The following TLR2 variants were observed in gnomAD, a reference collection of about 807,000 sequenced individuals.
TLR2 encodes the protein toll-like receptor 2.
TLR2 carries 7 observed loss-of-function variants against 9.1 expected under a neutral mutation model. The observed-to-expected ratio is 0.77, with a 90% CI of 0.44 to 1.44. The LOEUF is 1.44. Ranked by LOEUF, TLR2 falls within the 40% of genes most tolerant of loss-of-function variation. The probability of loss-of-function intolerance (pLI) is 0.01; values close to 1 mark genes in which losing one functional copy is unlikely to be tolerated. For synonymous variants in TLR2, 317 were observed against 344.6 expected (o/e 0.92, Z 0.89); for missense variants, 812 against 904.6 (o/e 0.90, Z 1.31).
chr4:153,695,306 G>A (rs1736415516), intron 2 of TLR2, among the ~76,000 whole-genome samples: 1 of 152,138 alleles, frequency 6.6e-6, no homozygotes, highest in Non-Finnish European at 1.5e-5. Context: ...AGTGTACAGG[G>A]TTCTGTTTTC....
chr4:153,703,317 A>G lies in TLR2; in HGVS notation c.410A>G (p.Lys137Arg). Residue 137 changes from lysine to arginine, a missense_variant, in exon 3 of 3, where the codon AAA (lysine) becomes AGA (arginine). Transcript: ENST00000642700. ...TFLNLLGNPY[K>R]TLGETSLFSH... is the part of the protein sequence containing the mutation. ...TTAAACTTACTGGGAAATCCTTACA[A>G]AACCCTAGGGGAAACATCTCTTTTT... The G allele has an allele frequency of 6.2e-7, 1 of 1,612,848 alleles. No homozygotes were observed. The highest frequency in any genetic ancestry group is 1.3e-5 in the African/African-American group (1 of 74,868).
At chr4:153,694,329 G>A (rs187223020) in intron 2 of TLR2, among the ~76,000 whole-genome samples, 338 of 152,264 alleles carry the variant, frequency 2.2e-3, no homozygotes, top group African/African-American at 7.6e-3. Flanking sequence ...CAGTGTGGGC[G>A]TCATGGCCAT....
At chr4:153,694,809 A>G (rs1331998904) in intron 2 of TLR2, among the ~76,000 whole-genome samples, 1 of 152,168 alleles carries the variant, frequency 6.6e-6, no homozygotes, top group Non-Finnish European at 1.5e-5. Flanking sequence ...TAACCATCCC[A>G]GTCCCCCTGC....
At chr4:153,700,629 T>C (rs570998588) in intron 2 of TLR2, among the ~76,000 whole-genome samples, 21 of 152,268 alleles carry the variant, frequency 1.4e-4, no homozygotes, top group Middle Eastern at 3.4e-3. Context: ...CAAGACACAT[T>C]TGAAGAAGAA....
At chr4:153,691,318 A>G (rs1015026072) in intron 2 of TLR2, among the ~76,000 whole-genome samples, 5 of 151,904 alleles carry the variant, frequency 3.3e-5, no homozygotes, top group South Asian at 4.1e-4. Flanking sequence ...AAGACTATTT[A>G]TAGAAGCTTG....
At chr4:153,700,759 C>T (rs1451722458) in intron 2 of TLR2, among the ~76,000 whole-genome samples, 2 of 152,130 alleles carry the variant, frequency 1.3e-5, no homozygotes, top group East Asian at 3.9e-4. Context: ...ATATATTATA[C>T]ATTTAATATA....
At chr4:153,695,476 T>C (rs1736426817) in intron 2 of TLR2, among the ~76,000 whole-genome samples, 1 of 152,216 alleles carries the variant, frequency 6.6e-6, no homozygotes, top group Admixed American at 6.5e-5. Context: ...GTGCCTTCTT[T>C]TGAGAAATGT....
Position 153,703,719 on chromosome 4 carries a change from A to G in TLR2, c.812A>G (p.Lys271Arg). The change falls in exon 3 of 3, where the codon AAA becomes AGA. Residue 271 changes from lysine (K) to arginine (R), a missense_variant. Coordinates refer to ENST00000642700, the MANE Select transcript of TLR2 (RefSeq NM_001318789.2). ...GATGAAAGTTTGTTTCAGGTTATGA[A>G]ACTTTTGAATCAGATTTCTGGATTG... is the stretch of plus-strand genomic sequence containing the variant. ...ITDESLFQVM[K>R]LLNQISGLLE... 3 of 1,613,870 alleles carry G rather than the reference A, an allele frequency of 1.9e-6. No individual in the cohort carries two copies. In the South Asian group the frequency reaches 3.3e-5, roughly 18 times the overall value.
chr4:153,684,619 G>A (rs1051981332), intron 1 of TLR2, among the ~76,000 whole-genome samples: 1 of 152,228 alleles, frequency 6.6e-6, no homozygotes, highest in African/African-American at 2.4e-5. Flanking sequence ...CGGCCCTCGG[G>A]AGAAGCAGGG....
intron 2 of TLR2, among the ~76,000 whole-genome samples, chr4:153,690,468 A>G (rs959754410): frequency 2.0e-5 from 3 of 152,230 alleles, no homozygotes; most frequent in Non-Finnish European, 2.9e-5. Flanking sequence ...TGGAATTCCT[A>G]TCACCACAAA....
intron 2 of TLR2, among the ~76,000 whole-genome samples, chr4:153,694,610 A>G (rs973114137): frequency 3.3e-5 from 5 of 152,242 alleles, no homozygotes; most frequent in African/African-American, 1.2e-4. Flanking sequence ...ACAGGCATAC[A>G]ATGGATAATA....
At chr4:153,695,045 T>TAC (rs1242028148) in intron 2 of TLR2, among the ~76,000 whole-genome samples, 4 of 152,232 alleles carry the variant, frequency 2.6e-5, no homozygotes, top group Admixed American at 2.6e-4. Flanking sequence ...TGTATATATA[T>TAC]ACCACATTTT....
At chr4:153,693,064 A>G (rs1281370728) in intron 2 of TLR2, among the ~76,000 whole-genome samples, 1 of 152,064 alleles carries the variant, frequency 6.6e-6, no homozygotes, top group Non-Finnish European at 1.5e-5. Context: ...ACTTTTCCCC[A>G]TTTCCACATA....
intron 2 of TLR2, among the ~76,000 whole-genome samples, chr4:153,691,873 T>C (rs1009105748): frequency 3.3e-5 from 5 of 152,204 alleles, no homozygotes; most frequent in African/African-American, 1.2e-4. Flanking sequence ...CTGAATTTTG[T>C]CAGGAGCTAT....
chr4:153,697,912 G>A (rs932178738), intron 2 of TLR2, among the ~76,000 whole-genome samples: 1 of 152,098 alleles, frequency 6.6e-6, no homozygotes, highest in Non-Finnish European at 1.5e-5. Flanking sequence ...AATATTATGT[G>A]TTGCAGAAGT....
intron 2 of TLR2, among the ~76,000 whole-genome samples, chr4:153,690,993 A>G (rs566373286): frequency 1.3e-5 from 2 of 152,350 alleles, no homozygotes; most frequent in African/African-American, 4.8e-5. Context: ...AATTGTATGG[A>G]ATGAACCACA....
chr4:153,703,461 ATC>A lies in TLR2; in HGVS notation c.556_557del (p.Leu186ThrfsTer4), dbSNP rs1737074909. Reference sequence around the variant, plus strand: ...GAGGAACTTGAGATTGATGCTTCAGATCTACAGAGCTATGAGCCAAAAAGTTT... The same window carrying A: ...GAGGAACTTGAGATTGATGCTTCAGATACAGAGCTATGAGCCAAAAAGTTT... On this transcript the variant is annotated frameshift_variant, in exon 3 of 3. Coordinates refer to ENST00000642700, the MANE Select transcript of TLR2 (RefSeq NM_001318789.2). LOFTEE classifies it low-confidence loss of function (END_TRUNC). 6.2e-7 allele frequency: 1 copy of A among 1,613,838 alleles called. No homozygotes were observed. The highest frequency in any genetic ancestry group is 8.5e-7 in the Non-Finnish European group (1 of 1,179,988).
intron 2 of TLR2, among the ~76,000 whole-genome samples, chr4:153,691,876 G>C (rs1022074571): frequency 6.6e-6 from 1 of 152,162 alleles, no homozygotes; most frequent in African/African-American, 2.4e-5. Flanking sequence ...AATTTTGTCA[G>C]GAGCTATATA....
chr4:153,703,958 G>A lies in TLR2; in HGVS notation c.1051G>A (p.Val351Ile). The change falls in exon 3 of 3, where the codon GTT (valine) becomes ATT (isoleucine). Residue 351 changes from valine to isoleucine, a missense_variant. Coordinates refer to ENST00000642700, the MANE Select transcript of TLR2 (RefSeq NM_001318789.2). Reference protein sequence around the residue: ...ITVENSKVFLVPCLLSQHLKS... With the variant: ...ITVENSKVFLIPCLLSQHLKS... Reference sequence around the variant, plus strand: ...AGTAGAAAACAGTAAAGTTTTTCTGGTTCCTTGTTTACTTTCACAACATTT... The same window carrying A: ...AGTAGAAAACAGTAAAGTTTTTCTGATTCCTTGTTTACTTTCACAACATTT... The A allele has an allele frequency of 6.2e-7, 1 of 1,611,686 alleles. No homozygotes were observed. The highest frequency in any genetic ancestry group is 8.5e-7 in the Non-Finnish European group (1 of 1,179,420).
Sources: gnomAD v4.1 joint callset for allele counts (sites outside exome capture counted in the v4.1 genomes callset) on GRCh38, gnomAD v4.1.1 for gene constraint, MANE v1.5 for transcripts, NCBI Gene and HGNC (gene_info 2026-07-23, HGNC 2026-07-21) for gene names.